MEP1A: variants seen among roughly 807,000 people sequenced by gnomAD.
MEP1A encodes N-benzoyl-L-tyrosyl-P-amino-benzoic acid hydrolase subunit alpha.
Under a neutral mutation model 84.5 loss-of-function variants are expected in MEP1A, and 68 were observed. The observed-to-expected ratio is 0.80, with a 90% CI of 0.66 to 0.98. The LOEUF is 0.98. Among genes scored for constraint, MEP1A ranks in the 50% least tolerant of loss-of-function variants. The probability of loss-of-function intolerance (pLI) is 0.00; values close to 1 mark genes in which losing one functional copy is unlikely to be tolerated. For synonymous variants in MEP1A, 337 were observed against 336.8 expected (o/e 1.00, Z -0.01); for missense variants, 887 against 919.9 (o/e 0.96, Z 0.46).
chr6:46,794,059 G>A (rs966099041), intron 3 of MEP1A, among the ~76,000 whole-genome samples: 1 of 152,084 alleles, frequency 6.6e-6, no homozygotes, highest in Non-Finnish European at 1.5e-5. Flanking sequence ...TAAGCCTCTG[G>A]TTATATTTAG....
chr6:46,818,376 C>T (rs1767689116), intron 6 of MEP1A, among the ~76,000 whole-genome samples: 1 of 152,124 alleles, frequency 6.6e-6, no homozygotes, highest in Admixed American at 6.5e-5. Context: ...GTGACTGTCA[C>T]CATGAAACTT....
intron 5 of MEP1A, among the ~76,000 whole-genome samples, chr6:46,803,616 A>G (rs915778169): frequency 2.0e-5 from 3 of 151,264 alleles, no homozygotes; most frequent in Non-Finnish European, 4.4e-5. Flanking sequence ...CCTTTCTCCT[A>G]CTTATTTCAG....
chr6:46,816,716 A>G lies in MEP1A; in HGVS notation c.381-2813A>G, dbSNP rs1041152180. 4.0e-4 allele frequency among the ~76,000 whole-genome samples: 61 copies of G among 152,146 alleles called. 1 individual carries two copies. ...GAGCTTTTCATGTCAGGAGCTTTTC[A>G]TGGACTCAGTGCTGTTGAAGGGGCA... On this transcript the variant is annotated intron_variant, in intron 6 of 13. Coordinates refer to ENST00000230588, the MANE Select transcript of MEP1A (RefSeq NM_005588.3).
intron 7 of MEP1A, among the ~76,000 whole-genome samples, 188 bp from the exon 8 acceptor site, chr6:46,825,079 AATATT>A (rs2150752655): frequency 1.6e-5 from 2 of 125,410 alleles, no homozygotes; most frequent in Non-Finnish European, 3.3e-5. Flanking sequence ...AATCTATTTA[AATATT>A]TATAAATTAT....
In MEP1A at chr6:46,825,285, C is replaced by CT; in HGVS notation, c.573dup (p.Asp192Ter). ...TCTCCCTAACAGGTTACCAGCACAA[C>CT]TTTGACACCTATGATGATAGCTTAA... On this transcript the variant is annotated frameshift_variant, in exon 8 of 14. Coordinates refer to ENST00000230588, the MANE Select transcript of MEP1A (RefSeq NM_005588.3). LOFTEE classifies it high-confidence loss of function. 1 of 1,611,562 alleles carries CT rather than the reference C, an allele frequency of 6.2e-7. No homozygotes were observed. Among genetic ancestry groups the CT allele is most frequent in the Non-Finnish European group, 8.5e-7 (1 of 1,178,620 alleles).
chr6:46,816,442 G>A (rs1364877408), intron 6 of MEP1A, among the ~76,000 whole-genome samples: 1 of 152,020 alleles, frequency 6.6e-6, no homozygotes, highest in African/African-American at 2.4e-5. Flanking sequence ...GTTGCAGCAG[G>A]GCAAGAGTGG....
rs1432588744 is a variant in MEP1A, at chr6:46,799,195, T to G, written c.262+14T>G. The G allele has an allele frequency of 6.4e-7, 1 of 1,562,188 alleles. No individual in the cohort carries two copies. The highest frequency in any genetic ancestry group is 8.8e-7 in the Non-Finnish European group (1 of 1,132,708). ...CTGATAATTTGGGTAATATTAATTG[T>G]TCTTAATTAGGAAGTTTCAGTTTAA... On this transcript the variant is annotated intron_variant, in intron 5 of 13. Coordinates refer to ENST00000230588, the MANE Select transcript of MEP1A (RefSeq NM_005588.3).
the MEP1A span, among the ~76,000 whole-genome samples, chr6:46,844,836 C>T: frequency 1.3e-5 from 2 of 152,304 alleles, no homozygotes. Flanking sequence ...ACCCAAATCT[C>T]ATCTTGAATT....
chr6:46,834,554 T>C (rs1342925964), intron 11 of MEP1A, 24 bp from the exon 12 acceptor site: 1 of 1,566,666 alleles, frequency 6.4e-7, no homozygotes, highest in Non-Finnish European at 8.7e-7. Context: ...GTAATGTGAT[T>C]TTATGTTACC....
At chr6:46,817,411 T>C (rs1434892081) in intron 6 of MEP1A, among the ~76,000 whole-genome samples, 1 of 152,180 alleles carries the variant, frequency 6.6e-6, no homozygotes. Flanking sequence ...ATAGTTTATT[T>C]TTCTGTAAAG....
rs73736654 is a variant in MEP1A, at chr6:46,808,255, T to G, written c.263-1165T>G. ...AAGTACATGAAAATCTCCCAGCAGATGTAATGAATGCTCTTGTTATTGTTA... is the reference window on the plus strand; with the variant it reads ...AAGTACATGAAAATCTCCCAGCAGAGGTAATGAATGCTCTTGTTATTGTTA... On this transcript the variant is annotated intron_variant, in intron 5 of 13. Coordinates refer to ENST00000230588, the MANE Select transcript of MEP1A (RefSeq NM_005588.3). Among the ~76,000 whole-genome samples the G allele has an allele frequency of 3.7e-3, 567 of 152,154 alleles. 5 individuals carry two copies. Among genetic ancestry groups the G allele is most frequent in the African/African-American group, 0.012 (496 of 41,538 alleles).
intron 3 of MEP1A, 116 bp from the exon 4 acceptor site, chr6:46,798,490 C>G (rs1767116888): frequency 2.5e-5 from 22 of 876,880 alleles, no homozygotes; most frequent in Non-Finnish European, 4.0e-5. Context: ...AAAGTTTTGC[C>G]ACATAAAGAT....
intron 6 of MEP1A, among the ~76,000 whole-genome samples, chr6:46,815,928 A>T (rs1015670908): frequency 1.4e-4 from 21 of 151,234 alleles, no homozygotes; most frequent in African/African-American, 5.1e-4. Flanking sequence ...GAGCTTATTC[A>T]TTTATTTATT....
chr6:46,837,569 C>T (rs1318929772), intron 13 of MEP1A, among the ~76,000 whole-genome samples: 4 of 152,210 alleles, frequency 2.6e-5, no homozygotes, highest in Non-Finnish European at 4.4e-5. Flanking sequence ...CTGACAGGCC[C>T]TTAGATGCCA....
chr6:46,830,194 G>A lies in MEP1A; in HGVS notation c.1144+623G>A, dbSNP rs181801768. Among the ~76,000 whole-genome samples, 723 of 146,148 alleles carry A rather than the reference G, an allele frequency of 4.9e-3. 6 individuals carry two copies. Among genetic ancestry groups the A allele is most frequent in the South Asian group, 0.012 (56 of 4,522 alleles). ...GAACCCGGGAGGCGGAGGTTGCAGT[G>A]AGCCAAGATTGCACCACTGCACTCC... On this transcript the variant is annotated intron_variant, in intron 10 of 13. Coordinates refer to ENST00000230588, the MANE Select transcript of MEP1A (RefSeq NM_005588.3).
chr6:46,807,580 G>A (rs1215021176), intron 5 of MEP1A, among the ~76,000 whole-genome samples: 53 of 80,064 alleles, frequency 6.6e-4, no homozygotes, highest in African/African-American at 2.6e-3. Flanking sequence ...AAGGAAGGAA[G>A]GAAGGAAGGA....
At chr6:46,840,828 G>C (rs1278234779), downstream of MEP1A, among the ~76,000 whole-genome samples, 1 of 152,176 alleles carries the variant, frequency 6.6e-6, no homozygotes, top group Admixed American at 6.5e-5. Context: ...CACCAGCCCA[G>C]TTGTATTATC....
At chr6:46,808,761 G>A (rs1277036694) in intron 5 of MEP1A, among the ~76,000 whole-genome samples, 1 of 151,890 alleles carries the variant, frequency 6.6e-6, no homozygotes, top group Non-Finnish European at 1.5e-5. Flanking sequence ...CTGCTGCTTG[G>A]GTGCTGAGCT....
intron 6 of MEP1A, among the ~76,000 whole-genome samples, chr6:46,817,678 A>G (rs1284494061): frequency 1.3e-5 from 2 of 152,198 alleles, no homozygotes; most frequent in East Asian, 3.8e-4. Context: ...CCACATAATT[A>G]CTTTCCAAAA....
Sources: gnomAD v4.1 joint callset for allele counts (sites outside exome capture counted in the v4.1 genomes callset) on GRCh38, gnomAD v4.1.1 for gene constraint, MANE v1.5 for transcripts, NCBI Gene and HGNC (gene_info 2026-07-23, HGNC 2026-07-21) for gene names.